C16orf87: variants seen among roughly 807,000 people sequenced by gnomAD.
C16orf87 encodes HDAC and MIER1 interacting protein 1, also known as UPF0547 protein C16orf87.
Under a neutral mutation model 21.0 loss-of-function variants are expected in C16orf87, and 13 were observed. The ratio of observed to expected loss-of-function variants is 0.62; its 90% confidence interval spans 0.40 to 0.98. The LOEUF is 0.98. Ranked by LOEUF, C16orf87 falls within the 50% of genes least tolerant of loss-of-function variation. The probability of loss-of-function intolerance (pLI) is 0.00; values close to 1 mark genes in which losing one functional copy is unlikely to be tolerated. For synonymous variants in C16orf87, 49 were observed against 60.2 expected, an observed-to-expected ratio of 0.81 and a Z score of 0.86; for missense variants, 113 against 180.4, an observed-to-expected ratio of 0.63 and a Z score of 2.14.
At chr16:46,817,916 C>CAAAAAAAAAAAAAAA (rs1056745014) in intron 2 of C16orf87, among the ~76,000 whole-genome samples, 1 of 68,276 alleles carries the variant, frequency 1.5e-5, no homozygotes, top group Non-Finnish European at 2.6e-5. Flanking sequence ...CATCAAAAAG[C>CAAAAAAAAAAAAAAA]AAAAAAAAAA....
chr16:46,827,187 AT>A (rs1236927778), intron 1 of C16orf87, among the ~76,000 whole-genome samples: 1 of 152,176 alleles, frequency 6.6e-6, no homozygotes, highest in Non-Finnish European at 1.5e-5. Context: ...GAGTTAATTC[AT>A]TCTATAGTCC....
rs1316339073 is a variant in C16orf87, at chr16:46,797,853, C to T, written c.*5099G>A. The T allele has an allele frequency of 1.3e-5, 2 of 151,868 alleles. No homozygotes were observed. Among genetic ancestry groups the T allele is most frequent in the South Asian group, 2.1e-4 (1 of 4,816 alleles). The allele number at this position is 151,868 out of a possible 1,614,324, so 9.4% of individuals were successfully genotyped here. A position where few individuals can be genotyped will look rare whatever the true frequency, so the allele number is the denominator to read the frequency against. ...TATAATTTTAAAAAACAATAAATTA[C>T]AATCAGTAACAGAAAGATAACTGAA... On this transcript the variant is annotated 3_prime_UTR_variant, in exon 4 of 4. Coordinates refer to ENST00000285697, the MANE Select transcript of C16orf87 (RefSeq NM_001001436.4).
chr16:46,812,136 C>T (rs980434581), intron 2 of C16orf87, among the ~76,000 whole-genome samples: 1 of 151,984 alleles, frequency 6.6e-6, no homozygotes, highest in Admixed American at 6.6e-5. Flanking sequence ...CCCAACTACT[C>T]AGGAGGCCAA....
At chr16:46,830,682 G>A (rs1959820226) in intron 1 of C16orf87, 1 of 169,126 alleles carries the variant, frequency 5.9e-6, no homozygotes, top group Admixed American at 6.4e-5. Flanking sequence ...AGGGGTTCTC[G>A]GAGCTAGGGC....
chr16:46,810,094 T>C (rs1229146286), intron 2 of C16orf87, among the ~76,000 whole-genome samples: 1 of 152,194 alleles, frequency 6.6e-6, no homozygotes, highest in African/African-American at 2.4e-5. Flanking sequence ...TTTCTGCCTT[T>C]TTCTTCCTGT....
rs920529057 is a variant in C16orf87 at position 46,800,618 on chromosome 16, T to A, written c.*2334A>T. ...TGAATAATCATATCATTTATAGATA[T>A]CAGAGCAGAACAAATTTTGGATTAA... On this transcript the variant is annotated 3_prime_UTR_variant, in exon 4 of 4. Transcript: ENST00000285697. The A allele has an allele frequency of 1.3e-5, 2 of 152,210 alleles. No individual in the cohort carries two copies. The highest frequency in any genetic ancestry group is 4.8e-5 in the African/African-American group (2 of 41,434). 9.4% of individuals were successfully genotyped at this position (152,210 alleles called of 1,614,324 possible).
intron 1 of C16orf87, among the ~76,000 whole-genome samples, chr16:46,828,756 G>A (rs1021420743): frequency 6.6e-6 from 1 of 152,042 alleles, no homozygotes; most frequent in Non-Finnish European, 1.5e-5. Flanking sequence ...AGGCAACTTA[G>A]AATCATAGCA....
At chr16:46,803,475 A>C (rs1188126471) in intron 3 of C16orf87, among the ~76,000 whole-genome samples, 1 of 152,162 alleles carries the variant, frequency 6.6e-6, no homozygotes, top group Non-Finnish European at 1.5e-5. Flanking sequence ...ACAGGAAATG[A>C]CATTTATTTT....
intron 1 of C16orf87, among the ~76,000 whole-genome samples, chr16:46,825,915 A>G (rs1305663732): frequency 7.4e-6 from 1 of 134,912 alleles, no homozygotes; most frequent in African/African-American, 2.8e-5. Context: ...ACTCTGTCTC[A>G]AAAAAAAAAA....
intron 1 of C16orf87, among the ~76,000 whole-genome samples, chr16:46,827,589 C>G (rs1208479899): frequency 6.7e-6 from 1 of 148,928 alleles, no homozygotes; most frequent in Non-Finnish European, 1.5e-5. Flanking sequence ...ATTTATTTAT[C>G]TTTTTTTTTT....
intron 1 of C16orf87, among the ~76,000 whole-genome samples, chr16:46,824,824 C>A (rs543405826): frequency 6.6e-6 from 1 of 152,170 alleles, no homozygotes; most frequent in Admixed American, 6.5e-5. Flanking sequence ...CGCTACCATG[C>A]CCAGCTAATT....
In C16orf87 at chr16:46,828,866, C is replaced by A. The variant is rs148637479; in HGVS notation, c.66+2218G>T. Among the ~76,000 whole-genome samples, 1,241 of 152,186 alleles carry A rather than the reference C, an allele frequency of 8.2e-3. 24 individuals are homozygous for A. The highest frequency in any genetic ancestry group is 0.028 in the African/African-American group (1,164 of 41,536). ...TTTAAATAATGAGAAAGCTAAAATT[C>A]ATCCATTATTTTTTCACATCAGGTT... On this transcript the variant is annotated intron_variant, in intron 1 of 3. Transcript: ENST00000285697.
intron 3 of C16orf87, among the ~76,000 whole-genome samples, chr16:46,809,019 C>CAAAAA (rs776311594): frequency 1.7e-4 from 9 of 51,554 alleles, no homozygotes; most frequent in Non-Finnish European, 3.2e-4. Context: ...CTTTAAAAGA[C>CAAAAA]AAAAAAAAAA....
intron 2 of C16orf87, among the ~76,000 whole-genome samples, chr16:46,819,396 G>A (rs1392978124): frequency 1.3e-5 from 2 of 151,796 alleles, no homozygotes; most frequent in East Asian, 2.0e-4. Flanking sequence ...TGTAACCTCC[G>A]CCTCACTGGT....
intron 2 of C16orf87, among the ~76,000 whole-genome samples, chr16:46,819,781 C>A (rs941376302): frequency 6.6e-6 from 1 of 151,606 alleles, no homozygotes; most frequent in Non-Finnish European, 1.5e-5. Context: ...TTGAGACCAG[C>A]CTGACCAACA....
chr16:46,822,065 A>G (rs9922581), intron 2 of C16orf87, among the ~76,000 whole-genome samples: 149,772 of 152,134 alleles, frequency 0.98, 73,751 homozygotes, highest in East Asian at 1. Context: ...TTTTCATTTT[A>G]TTTTAGACAA....
At position 46,816,779 on chromosome 16, in the gene C16orf87, C is replaced by A. The variant is rs1596817545; in HGVS notation, c.164-6994G>T. Among the ~76,000 whole-genome samples the A allele has an allele frequency of 3.3e-5, 5 of 152,248 alleles. No individual in the cohort carries two copies. In the South Asian group the frequency reaches 1.0e-3, roughly 32 times the overall value. On this transcript the variant is annotated intron_variant, in intron 2 of 3. Coordinates refer to ENST00000285697, the MANE Select transcript of C16orf87 (RefSeq NM_001001436.4). The stretch of plus-strand genomic sequence containing the variant: ...CAGGTGAGGTGGCATCTAGCTCTAG[C>A]CAATGACAGGTAAGTGAAACTGGGT...
At position 46,825,649 on chromosome 16, in the gene C16orf87, C is replaced by T. The variant is rs182203444; in HGVS notation, c.67-1167G>A. Among the ~76,000 whole-genome samples the T allele has an allele frequency of 2.6e-5, 4 of 152,228 alleles. No homozygotes were observed. In the East Asian group the frequency reaches 5.8e-4, roughly 22 times the overall value. On this transcript the variant is annotated intron_variant, in intron 1 of 3. Coordinates refer to ENST00000285697, the MANE Select transcript of C16orf87 (RefSeq NM_001001436.4). Reference sequence around the variant, plus strand: ...CTATAGGACTGGGCGCAGTGGCTCACACCTGTAATCCCAGCACTTTGGGAG... The same window carrying T: ...CTATAGGACTGGGCGCAGTGGCTCATACCTGTAATCCCAGCACTTTGGGAG...
rs751824128 is a variant in C16orf87, at chr16:46,809,668, T to A, written c.281A>T (p.Asp94Val). ...TCTTCCTCTTCCTCGTCTGATATGA[T>A]CTGAATGGCTGTTACTTCGAGACCT... ...RKRSRSNSHS[D>V]HIRRGRGRPK... is the part of the protein sequence containing the mutation. Residue 94 changes from aspartate to valine, a missense_variant, in exon 3 of 4, where the codon GAT (aspartate) becomes GTT (valine). Asp to Val is a radical substitution (Grantham distance 152). Coordinates refer to ENST00000285697, the MANE Select transcript of C16orf87 (RefSeq NM_001001436.4). 2 of 1,612,902 alleles carry A rather than the reference T, an allele frequency of 1.2e-6. No individual in the cohort carries two copies. The highest frequency in any genetic ancestry group is 1.1e-5 in the South Asian group (1 of 91,048).
Sources: gnomAD v4.1 joint callset for allele counts (sites outside exome capture counted in the v4.1 genomes callset) on GRCh38, gnomAD v4.1.1 for gene constraint, MANE v1.5 for transcripts, NCBI Gene and HGNC (gene_info 2026-07-23, HGNC 2026-07-21) for gene names.